INO80D: variants seen among roughly 807,000 people sequenced by gnomAD.
INO80D encodes the protein INO80 complex subunit D.
Under a neutral mutation model 87.6 loss-of-function variants are expected in INO80D, and 21 were observed. The ratio of observed to expected loss-of-function variants is 0.24; its 90% confidence interval spans 0.17 to 0.35. The LOEUF is 0.35. INO80D is among the 10% of genes least tolerant of loss of function. The probability of loss-of-function intolerance (pLI) is 1.00; values close to 1 mark genes in which losing one functional copy is unlikely to be tolerated. For missense variants in INO80D, 982 were observed against 1,280.7 expected, an observed-to-expected ratio of 0.77 and a Z score of 3.56; for synonymous variants, 440 against 491.0, an observed-to-expected ratio of 0.90 and a Z score of 1.37.
intron 5 of INO80D, among the ~76,000 whole-genome samples, chr2:206,038,820 G>T (rs1362501008): frequency 3.9e-5 from 6 of 151,954 alleles, no homozygotes; most frequent in Non-Finnish European, 1.5e-5. Context: ...ACAAACAAAT[G>T]AACTCAAAAC....
chr2:206,085,596 T>G lies in INO80D; in HGVS notation c.-124+305A>C, dbSNP rs886754627. 8.4e-6 allele frequency: 1 copy of G among 119,714 alleles called. No homozygotes were observed. The highest frequency in any genetic ancestry group is 1.8e-5 in the Non-Finnish European group (1 of 56,286). The allele number at this position is 119,714 out of a possible 1,614,324, so 7.4% of individuals were successfully genotyped here. Reference sequence around the variant, plus strand: ...CCCGAGGCCTACCGGCGCCCCCCCCTCCCGCCGCACACCCCCACCTGGCCC... The same window carrying G: ...CCCGAGGCCTACCGGCGCCCCCCCCGCCCGCCGCACACCCCCACCTGGCCC... On this transcript the variant is annotated intron_variant, in intron 1 of 10. Coordinates refer to ENST00000403263, the MANE Select transcript of INO80D (RefSeq NM_017759.5). The surrounding 1 kb of genome is among the most constrained non-coding windows in gnomAD (Gnocchi z 4.5).
chr2:206,018,650 G>A (rs889735131), intron 7 of INO80D, among the ~76,000 whole-genome samples: 1 of 152,200 alleles, frequency 6.6e-6, no homozygotes, highest in Non-Finnish European at 1.5e-5. Flanking sequence ...GCCAGGCACA[G>A]TGGCTCACAC....
intron 1 of INO80D, chr2:206,063,704 A>C: frequency 6.6e-6 from 1 of 152,034 alleles, no homozygotes; most frequent in Non-Finnish European, 1.5e-5. Context: ...AAACAAAACA[A>C]AAAAAAAGTA....
At chr2:206,015,732 C>T (rs773441765) in intron 8 of INO80D, among the ~76,000 whole-genome samples, 13 of 152,124 alleles carry the variant, frequency 8.5e-5, no homozygotes, top group Middle Eastern at 3.4e-3. Flanking sequence ...TAAAAATACA[C>T]ACAAATTAGC....
intron 1 of INO80D, among the ~76,000 whole-genome samples, chr2:206,082,837 G>C (rs1274913427): frequency 6.6e-6 from 1 of 152,006 alleles, no homozygotes; most frequent in Admixed American, 6.6e-5. Context: ...CATTAATTTT[G>C]GGTGCTCTCA....
chr2:206,066,411 C>T (rs1167327643), intron 1 of INO80D, among the ~76,000 whole-genome samples: 1 of 151,904 alleles, frequency 6.6e-6, no homozygotes, highest in Non-Finnish European at 1.5e-5. Flanking sequence ...TTGATGATAC[C>T]CAAGATATGG....
rs569403926 is a variant in INO80D, at chr2:206,069,288, A to T, written c.-123-6044T>A. Among the ~76,000 whole-genome samples the T allele has an allele frequency of 5.9e-5, 9 of 152,216 alleles. No homozygotes were observed. In the South Asian group the frequency reaches 1.9e-3, roughly 32 times the overall value. Reference sequence around the variant, plus strand: ...ATGATCTGCTTCCACTTAATACTAAATATATTTTCCTTATGGTTTTCTTAA... The same window carrying T: ...ATGATCTGCTTCCACTTAATACTAATTATATTTTCCTTATGGTTTTCTTAA... On this transcript the variant is annotated intron_variant, in intron 1 of 10. Transcript: ENST00000403263.
At position 205,998,524 on chromosome 2, in the gene INO80D, C is replaced by T. The variant is rs1179749448; in HGVS notation, c.*5844G>A. The T allele has an allele frequency of 2.0e-5, 3 of 150,592 alleles. No individual in the cohort carries two copies. Among genetic ancestry groups the T allele is most frequent in the South Asian group, 2.1e-4 (1 of 4,786 alleles). 9.3% of individuals were successfully genotyped at this position (150,592 alleles called of 1,614,324 possible). The stretch of plus-strand genomic sequence containing the variant: ...CATAGGCAACATAATTCATTACACT[C>T]GATACAGCTTTAGTATAAAACTTAT... On this transcript the variant is annotated 3_prime_UTR_variant, in exon 11 of 11. Coordinates refer to ENST00000403263, the MANE Select transcript of INO80D (RefSeq NM_017759.5).
At chr2:206,022,257 C>T (rs1688484357) in intron 6 of INO80D, among the ~76,000 whole-genome samples, 1 of 151,856 alleles carries the variant, frequency 6.6e-6, no homozygotes. Context: ...ATCCCAGCTA[C>T]TCGGGAGGCT....
chr2:206,078,597 C>A (rs1690187535), intron 1 of INO80D, among the ~76,000 whole-genome samples: 1 of 151,948 alleles, frequency 6.6e-6, no homozygotes, highest in Non-Finnish European at 1.5e-5. Flanking sequence ...TTTGTTTGAG[C>A]CCAGCCTGGG....
chr2:206,069,242 T>G (rs1432499305), intron 1 of INO80D, among the ~76,000 whole-genome samples: 2 of 152,164 alleles, frequency 1.3e-5, no homozygotes, highest in African/African-American at 4.8e-5. Context: ...CCTCCATCTA[T>G]TCAATGTGAA....
At chr2:206,057,953 T>C (rs1689570962) in intron 3 of INO80D, among the ~76,000 whole-genome samples, 1 of 152,134 alleles carries the variant, frequency 6.6e-6, no homozygotes, top group African/African-American at 2.4e-5. Flanking sequence ...TTGAATTCTC[T>C]GTCTGAAAGA....
rs757979009 is a variant in INO80D, at chr2:206,009,679, C to T, written c.1658G>A (p.Arg553His). The T allele has an allele frequency of 2.2e-5, 35 of 1,613,852 alleles. No homozygotes were observed. The South Asian group carries it at 3.1e-4, about 14-fold the overall frequency. ...GGGTTTTTGGGGTCGACGAGGTCCA[C>T]GCCTTCTCTTCTTCTTGTGTTTTTT... ...LTKKHKKKRRRGPRRPQKPIP... is the reference protein window; with the variant it reads ...LTKKHKKKRRHGPRRPQKPIP... Residue 553 changes from arginine (R) to histidine (H), a missense_variant, in exon 9 of 11, where the codon CGT (arginine) becomes CAT (histidine). Coordinates refer to ENST00000403263, the MANE Select transcript of INO80D (RefSeq NM_017759.5).
chr2:206,061,791 A>G (rs553875675), intron 3 of INO80D, among the ~76,000 whole-genome samples: 6 of 152,342 alleles, frequency 3.9e-5, no homozygotes, highest in Non-Finnish European at 8.8e-5. Flanking sequence ...ATTCCTTTCC[A>G]ACCAATTTAT....
intron 6 of INO80D, among the ~76,000 whole-genome samples, chr2:206,026,186 A>T (rs1313347777): frequency 1.3e-5 from 2 of 152,120 alleles, no homozygotes; most frequent in Non-Finnish European, 2.9e-5. Context: ...GGTGTGAGCC[A>T]CTGCACCCAG....
intron 6 of INO80D, 89 bp from the exon 7 acceptor site, chr2:206,019,934 A>C (rs935271174): frequency 1.1e-5 from 9 of 846,610 alleles, no homozygotes; most frequent in Non-Finnish European, 1.8e-5. Context: ...ACTCTGTAAC[A>C]CTCTCATTAT....
In INO80D at chr2:206,046,615, G is replaced by C. The variant is rs1689202451; in HGVS notation, c.965-3C>G. Reference sequence around the variant, plus strand: ...GCTCTCTTCAGACCAGTCCAAACCTGGGTTAGACAGGAGATATTGCAAATT... The same window carrying C: ...GCTCTCTTCAGACCAGTCCAAACCTCGGTTAGACAGGAGATATTGCAAATT... On this transcript the variant is annotated splice_region_variant and splice_polypyrimidine_tract_variant and intron_variant, in intron 4 of 10. Transcript: ENST00000403263. 6.3e-7 allele frequency: 1 copy of C among 1,588,170 alleles called. No homozygotes were observed. The highest frequency in any genetic ancestry group is 2.2e-5 in the East Asian group (1 of 44,770).
chr2:206,066,949 CAT>C (rs111580061), intron 1 of INO80D, among the ~76,000 whole-genome samples: 46,116 of 151,712 alleles, frequency 0.3, 7,420 homozygotes, highest in Admixed American at 0.36. Context: ...AAGTTGATCT[CAT>C]AGAAGCTAAA....
chr2:206,030,430 T>C (rs1688730541), intron 5 of INO80D, among the ~76,000 whole-genome samples: 1 of 150,684 alleles, frequency 6.6e-6, no homozygotes, highest in Non-Finnish European at 1.5e-5. Context: ...AGCAGTGCAC[T>C]CCATCCTGGG....
Sources: allele counts gnomAD v4.1 joint callset (sites outside exome capture counted in the v4.1 genomes callset), GRCh38; gene constraint gnomAD v4.1.1; non-coding constraint Gnocchi (gnomAD v3.1); transcripts MANE v1.5; gene names NCBI Gene and HGNC (gene_info 2026-07-23, HGNC 2026-07-21).